Variants in ZNF521 observed in about 807,000 individuals in gnomAD.
ZNF521 encodes the protein LYST-interacting protein 3.
ZNF521 carries 14 observed loss-of-function variants against 105.5 expected under a neutral mutation model. The observed-to-expected ratio is 0.13, with a 90% CI of 0.09 to 0.21. The LOEUF (loss-of-function observed/expected upper bound fraction) is 0.21, where lower values mean the gene tolerates loss of function less well. Ranked by LOEUF, ZNF521 falls within the 10% of genes least tolerant of loss-of-function variation. The probability of loss-of-function intolerance (pLI) is 1.00; values close to 1 mark genes in which losing one functional copy is unlikely to be tolerated. For synonymous variants in ZNF521, 635 were observed against 606.0 expected, an observed-to-expected ratio of 1.05 and a Z score of -0.70; for missense variants, 1,233 against 1,629.7, an observed-to-expected ratio of 0.76 and a Z score of 4.19.
intron 5 of ZNF521, among the ~76,000 whole-genome samples, chr18:25,164,866 G>T (rs8085678): frequency 0.44 from 66,343 of 152,054 alleles, 14,656 homozygotes; most frequent in South Asian, 0.58. Context: ...TATACCCACT[G>T]GCGCAGTATA....
At chr18:25,240,501 A>G (rs1384166211) in intron 3 of ZNF521, among the ~76,000 whole-genome samples, 1 of 152,206 alleles carries the variant, frequency 6.6e-6, no homozygotes, top group Non-Finnish European at 1.5e-5. Flanking sequence ...ACACTGACAT[A>G]AACACGAGAG....
chr18:25,228,335 G>A (rs994444639), intron 3 of ZNF521, among the ~76,000 whole-genome samples: 7 of 152,200 alleles, frequency 4.6e-5, no homozygotes, highest in African/African-American at 1.7e-4. Flanking sequence ...CTTGTGTAAT[G>A]AAAGATAACC....
intron 3 of ZNF521, among the ~76,000 whole-genome samples, chr18:25,228,642 G>C (rs1044867269): frequency 9.9e-5 from 15 of 152,172 alleles, no homozygotes; most frequent in African/African-American, 3.1e-4. Context: ...AACAGGAAAA[G>C]TGATAAATGA....
At chr18:25,133,267 G>A (rs1350340365) in intron 5 of ZNF521, among the ~76,000 whole-genome samples, 1 of 152,152 alleles carries the variant, frequency 6.6e-6, no homozygotes, top group East Asian at 1.9e-4. Flanking sequence ...TGCATTTGTG[G>A]TTAAGAGTCA....
In ZNF521 at chr18:25,065,636, T is replaced by TA. The variant is rs562209553; in HGVS notation, c.3907-2896dup. 6.9e-3 allele frequency among the ~76,000 whole-genome samples: 951 copies of TA among 138,286 alleles called. 8 individuals carry two copies. Among genetic ancestry groups the TA allele is most frequent in the African/African-American group, 0.019 (722 of 37,906 alleles). 90.7% of individuals were successfully genotyped at this position (138,286 alleles called of 152,430 possible). Reference sequence around the variant, plus strand: ...TGGGTGTTTTTTTCTTCTTACCAAATAAAAAAAAAAAACAGTTTAATTACA... The same window carrying TA: ...TGGGTGTTTTTTTCTTCTTACCAAATAAAAAAAAAAAAACAGTTTAATTACA... On this transcript the variant is annotated intron_variant, in intron 7 of 7. Transcript: ENST00000361524.
chr18:25,254,868 C>T (rs1908370050), intron 3 of ZNF521, among the ~76,000 whole-genome samples: 10 of 152,044 alleles, frequency 6.6e-5, no homozygotes, highest in Admixed American at 6.6e-4. Flanking sequence ...TGGAATGGTA[C>T]CACCCCTAAG....
intron 3 of ZNF521, among the ~76,000 whole-genome samples, chr18:25,296,998 T>A (rs1911353219): frequency 1.3e-5 from 2 of 152,086 alleles, no homozygotes; most frequent in South Asian, 4.1e-4. Context: ...ATTTGTTAAG[T>A]GTGTATGTGT....
chr18:25,090,589 A>T (rs1307779277), intron 6 of ZNF521, among the ~76,000 whole-genome samples: 1 of 152,216 alleles, frequency 6.6e-6, no homozygotes, highest in Non-Finnish European at 1.5e-5. Context: ...GTCTGTCTGC[A>T]CAGAAAATGC....
At chr18:25,153,219 T>C (rs1028594366) in intron 5 of ZNF521, among the ~76,000 whole-genome samples, 5 of 152,216 alleles carry the variant, frequency 3.3e-5, no homozygotes, top group African/African-American at 1.2e-4. Context: ...TTTATACTAA[T>C]ATTTTAAGTA....
intron 4 of ZNF521, among the ~76,000 whole-genome samples, chr18:25,212,360 A>C (rs982284566): frequency 1.6e-4 from 24 of 150,598 alleles, no homozygotes; most frequent in African/African-American, 5.6e-4. Flanking sequence ...AAATACAAAA[A>C]TCAGCTGGGC....
chr18:25,126,440 C>T (rs1330935610), intron 5 of ZNF521, among the ~76,000 whole-genome samples: 3 of 152,084 alleles, frequency 2.0e-5, no homozygotes, highest in African/African-American at 7.2e-5. Flanking sequence ...TAACAACATT[C>T]TGTTTTTCTA....
At chr18:25,229,193 T>G (rs1403938251) in intron 3 of ZNF521, among the ~76,000 whole-genome samples, 1 of 152,216 alleles carries the variant, frequency 6.6e-6, no homozygotes, top group Non-Finnish European at 1.5e-5. Flanking sequence ...GGTAACAAGA[T>G]TTTACTAGAT....
At chr18:25,243,026 C>CCCTG (rs1907453076) in intron 3 of ZNF521, among the ~76,000 whole-genome samples, 1 of 152,186 alleles carries the variant, frequency 6.6e-6, no homozygotes, top group African/African-American at 2.4e-5. Flanking sequence ...TTGTAACACT[C>CCCTG]CCTGACTCCC....
At chr18:25,323,519 G>A (rs909838041) in intron 2 of ZNF521, among the ~76,000 whole-genome samples, 1 of 152,036 alleles carries the variant, frequency 6.6e-6, no homozygotes, top group African/African-American at 2.4e-5. Flanking sequence ...ATAGCTCACT[G>A]CAGCCTCCAA....
At chr18:25,309,404 T>C (rs751051699) in intron 3 of ZNF521, among the ~76,000 whole-genome samples, 2 of 152,110 alleles carry the variant, frequency 1.3e-5, no homozygotes, top group Admixed American at 1.3e-4. Context: ...ACCCAAAAAC[T>C]GTGGCCTTGG....
intron 3 of ZNF521, among the ~76,000 whole-genome samples, chr18:25,317,827 T>C (rs904010731): frequency 3.9e-5 from 6 of 152,140 alleles, no homozygotes; most frequent in African/African-American, 1.4e-4. Context: ...AGACGGATAA[T>C]ATAAATGTTA....
intron 5 of ZNF521, among the ~76,000 whole-genome samples, chr18:25,116,955 GTATATATGTA>G (rs1406879643): frequency 4.6e-5 from 5 of 108,824 alleles, no homozygotes; most frequent in Non-Finnish European, 7.2e-5. Context: ...ACATATATAT[GTATATATGTA>G]TATATATGTA....
At chr18:25,271,129 A>G (rs561028517) in intron 3 of ZNF521, among the ~76,000 whole-genome samples, 99 of 152,338 alleles carry the variant, frequency 6.5e-4, no homozygotes, top group African/African-American at 2.3e-3. Context: ...CACCAATAAC[A>G]GACAAACAGA....
chr18:25,199,696 C>T (rs9951747), intron 4 of ZNF521, among the ~76,000 whole-genome samples: 20,988 of 151,808 alleles, frequency 0.14, 2,834 homozygotes, highest in African/African-American at 0.35. Flanking sequence ...AAAAAATGAA[C>T]AGGATAATTC....
Sources: gnomAD v4.1 joint callset for allele counts (sites outside exome capture counted in the v4.1 genomes callset) on GRCh38, gnomAD v4.1.1 for gene constraint, MANE v1.5 for transcripts, NCBI Gene and HGNC (gene_info 2026-07-23, HGNC 2026-07-21) for gene names.